Variants in HLCS observed in about 807,000 individuals in gnomAD.
The protein encoded by HLCS is biotin--protein ligase.
In HLCS, 53 loss-of-function variants were observed where a neutral mutation model predicts 75.0. That is an observed-to-expected ratio of 0.71 (90% CI 0.57 to 0.89). The LOEUF is 0.89. HLCS is among the 40% of genes least tolerant of loss of function. The pLI is 0.00. For missense variants in HLCS, 966 were observed against 1,074.0 expected, an observed-to-expected ratio of 0.90 and a Z score of 1.41; for synonymous variants, 431 against 428.6, an observed-to-expected ratio of 1.01 and a Z score of -0.07.
At chr21:36,794,392 A>G (rs1296996642) in intron 6 of HLCS, among the ~76,000 whole-genome samples, 1 of 152,240 alleles carries the variant, frequency 6.6e-6, no homozygotes, top group East Asian at 1.9e-4. Context: ...TTTGTTCAGA[A>G]AGAAGATAGT....
Position 36,888,446 on chromosome 21 carries a change from ATATAT to A in HLCS, c.1892+8409_1892+8413del, listed in dbSNP as rs1373130966. 3.5e-3 allele frequency among the ~76,000 whole-genome samples: 248 copies of A among 70,236 alleles called. 4 individuals carry two copies. The highest frequency in any genetic ancestry group is 9.3e-3 in the Middle Eastern group (1 of 108). 46.1% of individuals were successfully genotyped at this position (70,236 alleles called of 152,430 possible). Reference sequence around the variant, plus strand: ...CCCTTCCCATTTAAAAAAAAAAAAAATATATATATATATATATATATATATATATA... The same window carrying A: ...CCCTTCCCATTTAAAAAAAAAAAAAAATATATATATATATATATATATATA... On this transcript the variant is annotated intron_variant, in intron 6 of 10. Coordinates refer to ENST00000674895, the MANE Select transcript of HLCS (RefSeq NM_001352514.2).
chr21:36,755,869 C>T (rs928342990), intron 10 of HLCS, among the ~76,000 whole-genome samples: 2 of 152,214 alleles, frequency 1.3e-5, no homozygotes, highest in African/African-American at 4.8e-5. Context: ...GAGGCTGAGG[C>T]TGCTTCCTGG....
At chr21:36,824,548 T>C (rs986627040) in intron 6 of HLCS, among the ~76,000 whole-genome samples, 1 of 152,192 alleles carries the variant, frequency 6.6e-6, no homozygotes, top group African/African-American at 2.4e-5. Context: ...GACACACATT[T>C]ACCTAACCTG....
rs1428549351 is a variant in HLCS at position 36,782,699 on chromosome 21, T to C, written c.1893-15414A>G. ...AATTTCAGAAACAGGCCAGGTGCAG[T>C]GGCTCATGCCTGTAATCCCAGCACT... On this transcript the variant is annotated intron_variant, in intron 6 of 10. Transcript: ENST00000674895. 3.3e-5 allele frequency among the ~76,000 whole-genome samples: 5 copies of C among 152,322 alleles called. No homozygotes were observed. The South Asian group carries it at 8.3e-4, about 25-fold the overall frequency.
rs1352310939 is a variant in HLCS at position 36,936,929 on chromosome 21, G to C, written c.957C>G (p.Ser319=). ...CGTGGAACCGGCCGAGGGCTTCCTGGGAGTCGGAGCCCACATAGAGGAGGA... is the reference window on the plus strand; with the variant it reads ...CGTGGAACCGGCCGAGGGCTTCCTGCGAGTCGGAGCCCACATAGAGGAGGA... ...PNILLYVGSD[S]QEALGRFHEV... is the part of the protein sequence containing the mutation. Residue 319 remains serine (S), a synonymous_variant, in exon 4 of 11, where the codon TCC becomes TCG. Transcript: ENST00000674895. 1 of 1,614,128 alleles carries C rather than the reference G, an allele frequency of 6.2e-7. No homozygotes were observed.
intron 6 of HLCS, among the ~76,000 whole-genome samples, chr21:36,844,227 C>G (rs1340626236): frequency 1.3e-5 from 2 of 152,036 alleles, no homozygotes; most frequent in Admixed American, 1.3e-4. Flanking sequence ...AACTCCGCAG[C>G]ACGAGGAATG....
At chr21:36,807,314 G>A (rs2061389228) in intron 6 of HLCS, among the ~76,000 whole-genome samples, 1 of 152,024 alleles carries the variant, frequency 6.6e-6, no homozygotes, top group South Asian at 2.1e-4. Context: ...CGAGCCTCCT[G>A]AAATGATAGA....
intron 6 of HLCS, among the ~76,000 whole-genome samples, chr21:36,810,693 A>C (rs184649915): frequency 8.3e-4 from 127 of 152,348 alleles, no homozygotes; most frequent in African/African-American, 2.8e-3. Flanking sequence ...TGCCATTCTC[A>C]GAAGAAGAAG....
chr21:36,846,631 T>C (rs1053595080), intron 6 of HLCS, among the ~76,000 whole-genome samples: 2 of 152,068 alleles, frequency 1.3e-5, no homozygotes, highest in African/African-American at 4.8e-5. Flanking sequence ...TGGGAAGAAA[T>C]AGTTTTCAGA....
intron 5 of HLCS, among the ~76,000 whole-genome samples, chr21:36,902,810 A>G (rs2065293383): frequency 6.6e-6 from 1 of 152,186 alleles, no homozygotes; most frequent in East Asian, 1.9e-4. Context: ...AGCGACTCTG[A>G]ACTGAGAGTG....
chr21:36,809,085 G>A (rs547937912), intron 6 of HLCS, among the ~76,000 whole-genome samples: 36 of 151,978 alleles, frequency 2.4e-4, no homozygotes, highest in Non-Finnish European at 3.1e-4. Context: ...GTGGTGGTTC[G>A]CACCTGTAGT....
intron 2 of HLCS, chr21:36,947,413 C>G (rs565238198): frequency 1.0e-6 from 1 of 985,392 alleles, no homozygotes; most frequent in Non-Finnish European, 1.2e-6. Context: ...CTGGGTGCTC[C>G]GATCAAAGCA....
At chr21:36,854,919 T>G (rs1452410241) in intron 6 of HLCS, among the ~76,000 whole-genome samples, 2 of 152,166 alleles carry the variant, frequency 1.3e-5, no homozygotes, top group African/African-American at 4.8e-5. Flanking sequence ...GGTATTAAAC[T>G]CTAAATATTC....
At chr21:36,823,613 GTGTGTGT>G (rs2061915290) in intron 6 of HLCS, among the ~76,000 whole-genome samples, 5 of 139,014 alleles carry the variant, frequency 3.6e-5, no homozygotes, top group African/African-American at 1.4e-4. Context: ...CGTGCAGGGT[GTGTGTGT>G]GTGTGTGTGT....
At chr21:36,906,737 C>A in intron 5 of HLCS, among the ~76,000 whole-genome samples, 1 of 132,168 alleles carries the variant, frequency 7.6e-6, no homozygotes. Context: ...TTTAAATGGT[C>A]AAAACAATTT....
At chr21:36,879,675 T>C (rs775398477) in intron 6 of HLCS, among the ~76,000 whole-genome samples, 1 of 152,118 alleles carries the variant, frequency 6.6e-6, no homozygotes, top group Non-Finnish European at 1.5e-5. Flanking sequence ...CTCACACCTA[T>C]AGTCCCAGAA....
At chr21:36,933,385 T>C (rs947484000) in intron 4 of HLCS, among the ~76,000 whole-genome samples, 1 of 151,456 alleles carries the variant, frequency 6.6e-6, no homozygotes, top group Non-Finnish European at 1.5e-5. Context: ...CCGTCTCTAC[T>C]AAAAATACAA....
At chr21:36,829,631 C>T (rs1046499742) in intron 6 of HLCS, among the ~76,000 whole-genome samples, 3 of 152,110 alleles carry the variant, frequency 2.0e-5, no homozygotes, top group Non-Finnish European at 2.9e-5. Context: ...AATGGGTTCA[C>T]GGTGCCATCC....
At chr21:36,900,228 G>A (rs2065181300) in intron 5 of HLCS, among the ~76,000 whole-genome samples, 1 of 152,106 alleles carries the variant, frequency 6.6e-6, no homozygotes. Context: ...AGAGAGGGAG[G>A]CCACTTCAGA....
Sources: gnomAD v4.1 joint callset for allele counts (sites outside exome capture counted in the v4.1 genomes callset) on GRCh38, gnomAD v4.1.1 for gene constraint, MANE v1.5 for transcripts, NCBI Gene and HGNC (gene_info 2026-07-23, HGNC 2026-07-21) for gene names.